Variants in COLGALT2 observed in about 807,000 individuals in gnomAD.
COLGALT2 encodes the protein collagen beta(1-O)galactosyltransferase 2.
Under a neutral mutation model 73.4 loss-of-function variants are expected in COLGALT2, and 49 were observed. That is an observed-to-expected ratio of 0.67 (90% CI 0.53 to 0.85). COLGALT2 has a LOEUF of 0.85. Ranked by LOEUF, COLGALT2 falls within the 40% of genes least tolerant of loss-of-function variation. COLGALT2 has a pLI of 0.00. For synonymous variants in COLGALT2, 295 were observed against 307.6 expected (o/e 0.96, Z 0.43); for missense variants, 722 against 790.2 (o/e 0.91, Z 1.03).
chr1:183,992,693 C>CTGA (rs1671662602), intron 1 of COLGALT2, among the ~76,000 whole-genome samples: 2 of 152,162 alleles, frequency 1.3e-5, no homozygotes, highest in Admixed American at 1.3e-4. Flanking sequence ...GAAAGGATGC[C>CTGA]TGATGCACTA....
chr1:184,020,003 C>A (rs1417864757), intron 1 of COLGALT2, among the ~76,000 whole-genome samples: 1 of 152,168 alleles, frequency 6.6e-6, no homozygotes, highest in Non-Finnish European at 1.5e-5. Context: ...AAATGCAGAT[C>A]TATTGGTGTC....
At position 183,978,466 on chromosome 1, in the gene COLGALT2, C is replaced by A. The variant is rs757091108; in HGVS notation, c.318G>T (p.Leu106Phe). 1.8e-5 allele frequency: 29 copies of A among 1,612,836 alleles called. No individual in the cohort carries two copies. Among genetic ancestry groups the A allele is most frequent in the Non-Finnish European group, 2.4e-5 (28 of 1,179,180 alleles). ...DNTTEIFREWLKNVQRLYHYV... is the reference protein window; with the variant it reads ...DNTTEIFREWFKNVQRLYHYV... The stretch of plus-strand genomic sequence containing the variant: ...AGTGATAGAGTCTCTGTACATTTTT[C>A]AACCACTCCCTGAATATTTCTGTTG... Residue 106 changes from leucine (L) to phenylalanine (F), a missense_variant, in exon 2 of 12, where the codon TTG becomes TTT. Physicochemically the swap from Leu to Phe is conservative, Grantham distance 22. Coordinates refer to ENST00000361927, the MANE Select transcript of COLGALT2 (RefSeq NM_015101.4).
At chr1:183,958,343 C>G (rs991927699) in intron 6 of COLGALT2, among the ~76,000 whole-genome samples, 3 of 152,102 alleles carry the variant, frequency 2.0e-5, no homozygotes, top group Admixed American at 1.3e-4. Flanking sequence ...AAACCCATTG[C>G]CCACTTACTC....
At chr1:183,985,018 A>AT (rs953016635) in intron 1 of COLGALT2, among the ~76,000 whole-genome samples, 8 of 152,038 alleles carry the variant, frequency 5.3e-5, no homozygotes, top group Non-Finnish European at 1.2e-4. Context: ...AAAAATTGAG[A>AT]TTTATCTGGC....
intron 10 of COLGALT2, 48 bp from the exon 11 acceptor site, chr1:183,940,835 C>T (rs1445151030): frequency 1.3e-6 from 2 of 1,489,974 alleles, no homozygotes; most frequent in East Asian, 4.5e-5. Context: ...ACTATTATGC[C>T]ATGATAAGGA....
At chr1:184,021,762 T>C (rs933331981) in intron 1 of COLGALT2, among the ~76,000 whole-genome samples, 5 of 152,228 alleles carry the variant, frequency 3.3e-5, no homozygotes, top group African/African-American at 1.2e-4. Flanking sequence ...GTTACTGGTT[T>C]TGTTTTACTA....
At chr1:183,975,490 CAGGTG>C (rs1671164911) in intron 2 of COLGALT2, among the ~76,000 whole-genome samples, 1 of 152,184 alleles carries the variant, frequency 6.6e-6, no homozygotes, top group Admixed American at 6.5e-5. Flanking sequence ...CTGCATTTCA[CAGGTG>C]AGGATATCAG....
At chr1:184,024,440 T>C (rs1649269678) in intron 1 of COLGALT2, among the ~76,000 whole-genome samples, 1 of 151,276 alleles carries the variant, frequency 6.6e-6, no homozygotes, top group Non-Finnish European at 1.5e-5. Flanking sequence ...GCAACCTTCA[T>C]CTCCTGGGTT....
chr1:183,973,505 G>C, intron 4 of COLGALT2, 111 bp downstream of exon 4: 1 of 1,361,744 alleles, frequency 7.3e-7, no homozygotes, highest in Non-Finnish European at 1.0e-6. Flanking sequence ...GGAACACAAT[G>C]ACACGCATGT....
At chr1:184,031,734 A>G (rs540335416) in intron 1 of COLGALT2, among the ~76,000 whole-genome samples, 197 of 152,274 alleles carry the variant, frequency 1.3e-3, no homozygotes, top group African/African-American at 4.6e-3. Context: ...AGTAGAATGT[A>G]ATGGCATCTC....
In COLGALT2 at chr1:184,028,076, G is replaced by A. The variant is rs76072952; in HGVS notation, c.263+9019C>T. 4.5e-4 allele frequency among the ~76,000 whole-genome samples: 69 copies of A among 152,290 alleles called. No homozygotes were observed. The East Asian group carries it at 6.9e-3, about 15-fold the overall frequency. ...GCAACTTTCCACTATCTTGGCGGGTGTAAACCATAATCATTGTGGTGTGTG... is the reference window on the plus strand; with the variant it reads ...GCAACTTTCCACTATCTTGGCGGGTATAAACCATAATCATTGTGGTGTGTG... On this transcript the variant is annotated intron_variant, in intron 1 of 11. Transcript: ENST00000361927.
chr1:184,021,476 T>C (rs775503285), intron 1 of COLGALT2, among the ~76,000 whole-genome samples: 7 of 152,084 alleles, frequency 4.6e-5, no homozygotes, highest in African/African-American at 9.7e-5. Flanking sequence ...GAGTTCCTTA[T>C]AAAAGGACAA....
At chr1:183,985,491 C>T (rs993601421) in intron 1 of COLGALT2, among the ~76,000 whole-genome samples, 5 of 152,156 alleles carry the variant, frequency 3.3e-5, no homozygotes, top group South Asian at 4.2e-4. Context: ...AGGCTGGTTT[C>T]GAACTCCTGA....
chr1:183,964,881 C>T (rs892297952), intron 5 of COLGALT2, among the ~76,000 whole-genome samples: 2 of 152,156 alleles, frequency 1.3e-5, no homozygotes, highest in African/African-American at 2.4e-5. Flanking sequence ...GTATCCAAGC[C>T]TCTGGTCCAT....
At position 183,951,036 on chromosome 1, in the gene COLGALT2, C is replaced by T. The variant is rs763644716; in HGVS notation, c.1107G>A (p.Glu369=). ...CATCCACAGCCTCGACAATCTTGAC[C>T]TCAATCTCCTGTTCATACAGTGTGC... The part of the protein sequence containing the change: ...MLRTLYEQEI[E]VKIVEAVDGK... The change falls in exon 8 of 12, where the codon GAG becomes GAA. Residue 369 remains glutamate, a synonymous_variant. Transcript: ENST00000361927. 4.3e-6 allele frequency: 7 copies of T among 1,613,688 alleles called. No individual in the cohort carries two copies. Among genetic ancestry groups the T allele is most frequent in the Non-Finnish European group, 5.9e-6 (7 of 1,179,660 alleles).
rs139180583 is a variant in COLGALT2, at chr1:183,965,477, A to C, written c.833-1457T>G. Among the ~76,000 whole-genome samples the C allele has an allele frequency of 4.8e-3, 729 of 152,302 alleles. 13 individuals are homozygous for C. Among genetic ancestry groups the C allele is most frequent in the Admixed American group, 0.038 (588 of 15,294 alleles). On this transcript the variant is annotated intron_variant, in intron 5 of 11. Transcript: ENST00000361927. ...GATGTGAGAGAAGGACGAGGAGGAA[A>C]GGAAGGAAGAGGAGGAGGAGGAAGA... is the stretch of plus-strand genomic sequence containing the variant.
chr1:183,942,374 T>C (rs1278841588), intron 10 of COLGALT2, among the ~76,000 whole-genome samples: 2 of 152,230 alleles, frequency 1.3e-5, no homozygotes, highest in Non-Finnish European at 2.9e-5. Flanking sequence ...TTAATGGTTT[T>C]AAAATATTAA....
downstream of COLGALT2, among the ~76,000 whole-genome samples, chr1:183,934,543 C>A (rs1669908934): frequency 1.3e-5 from 2 of 152,144 alleles, no homozygotes; most frequent in African/African-American, 4.8e-5. Context: ...ACGTGTCACC[C>A]CTTACATGCT....
chr1:183,956,955 T>C (rs1279025086), intron 6 of COLGALT2, among the ~76,000 whole-genome samples: 1 of 152,146 alleles, frequency 6.6e-6, no homozygotes, highest in Non-Finnish European at 1.5e-5. Flanking sequence ...CTGGCTTCTG[T>C]TTGTAGTCAT....
Sources: gnomAD v4.1 joint callset for allele counts (sites outside exome capture counted in the v4.1 genomes callset) on GRCh38, gnomAD v4.1.1 for gene constraint, MANE v1.5 for transcripts, NCBI Gene and HGNC (gene_info 2026-07-23, HGNC 2026-07-21) for gene names.